The following DOCK4 variants were observed in gnomAD, a reference collection of about 807,000 sequenced individuals.
DOCK4 encodes the protein dedicator of cytokinesis 4.
DOCK4 carries 97 observed loss-of-function variants against 268.1 expected under a neutral mutation model. The ratio of observed to expected loss-of-function variants is 0.36; its 90% confidence interval spans 0.31 to 0.43. The LOEUF is 0.43. Among genes scored for constraint, DOCK4 ranks in the 20% least tolerant of loss-of-function variants. The probability of loss-of-function intolerance (pLI) is 1.00; values close to 1 mark genes in which losing one functional copy is unlikely to be tolerated. For synonymous variants in DOCK4, 954 were observed against 887.2 expected (o/e 1.08, Z -1.34); for missense variants, 2,145 against 2,455.7 (o/e 0.87, Z 2.67).
intron 26 of DOCK4, among the ~76,000 whole-genome samples, chr7:111,831,427 A>G (rs1230329998): frequency 6.6e-6 from 1 of 151,860 alleles, no homozygotes; most frequent in Non-Finnish European, 1.5e-5. Context: ...AAAATCTTTT[A>G]CAGGGTTCTG....
At chr7:111,995,189 G>A (rs10225249) in intron 4 of DOCK4, among the ~76,000 whole-genome samples, 37,470 of 151,508 alleles carry the variant, frequency 0.25, 5,321 homozygotes, top group East Asian at 0.52. Context: ...CTGCAACCAC[G>A]CCCGGCTAAT....
intron 1 of DOCK4, among the ~76,000 whole-genome samples, chr7:112,148,297 C>A (rs1254257361): frequency 6.6e-6 from 1 of 152,092 alleles, no homozygotes; most frequent in Admixed American, 6.6e-5. Flanking sequence ...GGCAGAGGGA[C>A]AGGGGGAGAT....
intron 27 of DOCK4, chr7:111,819,733 T>A (rs566173049): frequency 6.6e-6 from 1 of 152,202 alleles, no homozygotes; most frequent in South Asian, 2.1e-4. Context: ...AGCAATTCAA[T>A]TGAGTTCAAG....
chr7:111,759,397 A>G (rs1797238646), intron 40 of DOCK4, among the ~76,000 whole-genome samples: 1 of 152,182 alleles, frequency 6.6e-6, no homozygotes, highest in Non-Finnish European at 1.5e-5. Flanking sequence ...ACATTAAAGG[A>G]GTATCATATT....
At chr7:112,116,864 T>G (rs1443806231) in intron 1 of DOCK4, among the ~76,000 whole-genome samples, 1 of 152,148 alleles carries the variant, frequency 6.6e-6, no homozygotes, top group Non-Finnish European at 1.5e-5. Context: ...AGTGCTGGGA[T>G]TACAGGCATG....
At chr7:112,200,719 CTAAAATAAAAAAAAAAAAACAAAA>C (rs1820832889) in intron 1 of DOCK4, among the ~76,000 whole-genome samples, 1 of 19,976 alleles carries the variant, frequency 5.0e-5, no homozygotes, top group East Asian at 1.4e-3. Context: ...ATAACAGCCT[CTAAAATAAAAAAAAAAAAACAAAA>C]AAAAACAAGA....
chr7:112,012,115 A>AT (rs891995405), intron 1 of DOCK4, among the ~76,000 whole-genome samples: 5 of 152,154 alleles, frequency 3.3e-5, no homozygotes, highest in Admixed American at 6.5e-5. Context: ...AAATAATAGA[A>AT]TTTTTTCATC....
At chr7:111,986,700 C>T (rs144729996) in intron 6 of DOCK4, among the ~76,000 whole-genome samples, 255 of 152,252 alleles carry the variant, frequency 1.7e-3, no homozygotes, top group Non-Finnish European at 2.8e-3. Flanking sequence ...TGTTGTAGGA[C>T]TGTATGGGCA....
chr7:111,755,701 T>G, intron 41 of DOCK4, 100 bp from the exon 42 acceptor site: 1 of 1,044,098 alleles, frequency 9.6e-7, no homozygotes, highest in Non-Finnish European at 1.5e-6. Flanking sequence ...CTTTGCTTAT[T>G]CCTGTCAGCC....
At chr7:111,748,524 C>A (rs931426307) in intron 42 of DOCK4, among the ~76,000 whole-genome samples, 3 of 152,060 alleles carry the variant, frequency 2.0e-5, no homozygotes, top group African/African-American at 7.2e-5. Context: ...AGGTGTTGGG[C>A]CTCATTTGTG....
intron 39 of DOCK4, among the ~76,000 whole-genome samples, chr7:111,762,757 G>GTTTTTTTTTTTTTTTTTT (rs1797499588): frequency 9.1e-5 from 5 of 55,002 alleles, no homozygotes; most frequent in Non-Finnish European, 1.5e-4. Context: ...ATTTTGTTTT[G>GTTTTTTTTTTTTTTTTTT]TTTTCTTTTT....
chr7:111,778,454 T>A, intron 35 of DOCK4, 85 bp from the exon 36 acceptor site: 1 of 781,654 alleles, frequency 1.3e-6, no homozygotes, highest in Non-Finnish European at 2.0e-6. Flanking sequence ...AAGTTCCATG[T>A]CTGGAGCCAA....
At chr7:112,007,882 T>C (rs1562985951) in intron 1 of DOCK4, among the ~76,000 whole-genome samples, 1 of 152,228 alleles carries the variant, frequency 6.6e-6, no homozygotes, top group Non-Finnish European at 1.5e-5. Flanking sequence ...CAAGTGTTTC[T>C]GCATGAAATA....
rs1794655480 is a variant in DOCK4, at chr7:111,726,391, G to C, written c.*1883C>G. ...AATCAAGGAAGCTTTGTTATCTTAT[G>C]CATGTCATCTTATTTAAATGGAAGG... is the stretch of plus-strand genomic sequence containing the variant. On this transcript the variant is annotated 3_prime_UTR_variant, in exon 53 of 53. Transcript: ENST00000428084. The C allele has an allele frequency of 6.6e-6, 1 of 152,436 alleles. No homozygotes were observed. The highest frequency in any genetic ancestry group is 1.5e-5 in the Non-Finnish European group (1 of 68,030). 9.4% of individuals were successfully genotyped at this position (152,436 alleles called of 1,614,324 possible).
chr7:112,040,762 T>C (rs1804281940), intron 1 of DOCK4, among the ~76,000 whole-genome samples: 1 of 152,104 alleles, frequency 6.6e-6, no homozygotes, highest in Admixed American at 6.5e-5. Flanking sequence ...AAAAAAAGTA[T>C]CATTAAATGA....
chr7:111,906,542 C>T (rs1791585629), intron 13 of DOCK4, among the ~76,000 whole-genome samples: 1 of 152,158 alleles, frequency 6.6e-6, no homozygotes, highest in South Asian at 2.1e-4. Context: ...GCTGGGTGGC[C>T]CCTCATGTGT....
chr7:111,846,900 G>C (rs1017044483), intron 24 of DOCK4, 99 bp downstream of exon 24: 5 of 1,370,862 alleles, frequency 3.6e-6, no homozygotes, highest in Non-Finnish European at 4.8e-6. Context: ...GTGGGTCTCA[G>C]AGGCTTCCTC....
chr7:112,012,941 G>A (rs533102701), intron 1 of DOCK4, among the ~76,000 whole-genome samples: 5 of 151,788 alleles, frequency 3.3e-5, no homozygotes, highest in Non-Finnish European at 5.9e-5. Flanking sequence ...CCTCCACCTC[G>A]CAACCGGAGG....
intron 23 of DOCK4, among the ~76,000 whole-genome samples, chr7:111,851,215 C>T (rs142863288): frequency 3.3e-5 from 5 of 152,066 alleles, no homozygotes; most frequent in East Asian, 1.9e-4. Flanking sequence ...GAGGCTGAGA[C>T]GGGTGGATCA....
Sources: gnomAD v4.1 joint callset for allele counts (sites outside exome capture counted in the v4.1 genomes callset) on GRCh38, gnomAD v4.1.1 for gene constraint, MANE v1.5 for transcripts, NCBI Gene and HGNC (gene_info 2026-07-23, HGNC 2026-07-21) for gene names.